The following RPP40 variants were observed in gnomAD, a reference collection of about 807,000 sequenced individuals.
The protein encoded by RPP40 is ribonuclease P protein subunit p40.
In RPP40, 30 loss-of-function variants were observed where a neutral mutation model predicts 42.5. The observed-to-expected ratio is 0.71, with a 90% CI of 0.53 to 0.96. The LOEUF is 0.96. Among genes scored for constraint, RPP40 ranks in the 40% least tolerant of loss-of-function variants. The pLI is 0.00. For missense variants in RPP40, 426 were observed against 433.5 expected (o/e 0.98, Z 0.15); for synonymous variants, 173 against 164.0 (o/e 1.05, Z -0.42).
rs961782375 is a variant in RPP40, at chr6:4,995,019, A to G, written c.*59T>C. 4.2e-6 allele frequency: 6 copies of G among 1,429,920 alleles called. No homozygotes were observed. The highest frequency in any genetic ancestry group is 1.4e-5 in the African/African-American group (1 of 70,516). The allele number at this position is 1,429,920 out of a possible 1,614,324, so 88.6% of individuals were successfully genotyped here. A position where few individuals can be genotyped will look rare whatever the true frequency, so the allele number is the denominator to read the frequency against. On this transcript the variant is annotated 3_prime_UTR_variant, in exon 8 of 8. Coordinates refer to ENST00000380051, the MANE Select transcript of RPP40 (RefSeq NM_006638.4). ...TGAGTGGACACACAGACCTTTTACCATTAAGAAATCTGAAAGCAAGCGTAA... is the reference window on the plus strand; with the variant it reads ...TGAGTGGACACACAGACCTTTTACCGTTAAGAAATCTGAAAGCAAGCGTAA...
chr6:5,001,025 C>T, intron 2 of RPP40: 1 of 462,542 alleles, frequency 2.2e-6, no homozygotes, highest in Admixed American at 2.3e-5. Context: ...AGTTCACTCC[C>T]TGACCAACAG....
Position 4,995,934 on chromosome 6 carries a change from AG to A in RPP40, c.893+16del. ...ATAGAGCACTGATGAGCGATATAAA[AG>A]GTAAAGAGTTCTCACCAGAGATGTT... On this transcript the variant is annotated intron_variant, in intron 7 of 7. Coordinates refer to ENST00000380051, the MANE Select transcript of RPP40 (RefSeq NM_006638.4). 2 of 1,611,816 alleles carry A rather than the reference AG, an allele frequency of 1.2e-6. No individual in the cohort carries two copies. The highest frequency in any genetic ancestry group is 1.7e-6 in the Non-Finnish European group (2 of 1,178,540).
downstream of RPP40, among the ~76,000 whole-genome samples, chr6:4,989,810 C>T (rs112720188): frequency 9.1e-3 from 1,384 of 152,308 alleles, 25 homozygotes; most frequent in African/African-American, 0.031. Flanking sequence ...TTGACAAACT[C>T]ACTTATTTGT....
At chr6:4,991,552 A>G (rs909665148), downstream of RPP40, among the ~76,000 whole-genome samples, 1 of 152,148 alleles carries the variant, frequency 6.6e-6, no homozygotes, top group Non-Finnish European at 1.5e-5. Flanking sequence ...AAATTGCTGA[A>G]GTCTACTTTA....
chr6:5,002,278 C>A (rs1363766599), intron 1 of RPP40, 33 bp from the exon 2 acceptor site: 1 of 1,537,020 alleles, frequency 6.5e-7, no homozygotes, highest in African/African-American at 1.4e-5. Context: ...CAAGGTCTTA[C>A]TTCCATGAAG....
downstream of RPP40, among the ~76,000 whole-genome samples, chr6:4,991,412 G>C (rs577273854): frequency 6.9e-4 from 105 of 152,206 alleles, no homozygotes; most frequent in African/African-American, 2.4e-3. Context: ...TGTTTGAACA[G>C]CTAAAAATTT....
chr6:5,003,688 G>C, intron 1 of RPP40, 192 bp downstream of exon 1: 1 of 622,588 alleles, frequency 1.6e-6, no homozygotes, highest in Non-Finnish European at 2.5e-6. Flanking sequence ...CCTGGGAGTT[G>C]TAGTCCTGTA....
chr6:4,995,330 G>T, intron 7 of RPP40, 54 bp from the exon 8 acceptor site: 1 of 1,279,812 alleles, frequency 7.8e-7, no homozygotes, highest in Non-Finnish European at 1.1e-6. Flanking sequence ...AGGAATGTCT[G>T]CATTTTAAAA....
intron 5 of RPP40, among the ~76,000 whole-genome samples, chr6:4,998,194 T>C (rs1759439613): frequency 6.6e-6 from 1 of 152,224 alleles, no homozygotes; most frequent in Non-Finnish European, 1.5e-5. Context: ...AAAGATACAC[T>C]TCTAAAAGGA....
intron 5 of RPP40, among the ~76,000 whole-genome samples, chr6:4,997,596 C>T (rs1194704044): frequency 1.3e-5 from 2 of 152,212 alleles, no homozygotes; most frequent in African/African-American, 4.8e-5. Flanking sequence ...TGTCGTGGGA[C>T]TCCTCAGCCT....
At position 4,996,319 on chromosome 6, in the gene RPP40, C is replaced by A; in HGVS notation, c.661G>T (p.Val221Leu). The A allele has an allele frequency of 1.9e-6, 3 of 1,614,194 alleles. No individual in the cohort carries two copies. Among genetic ancestry groups the A allele is most frequent in the Non-Finnish European group, 2.5e-6 (3 of 1,180,042 alleles). Residue 221 changes from valine (V) to leucine (L), a missense_variant, in exon 6 of 8, where the codon GTG becomes TTG. Physicochemically the swap from Val to Leu is conservative, Grantham distance 32. Transcript: ENST00000380051. Reference protein sequence around the residue: ...LSTLRDLQCPVLQSSELEGTP... With the variant: ...LSTLRDLQCPLLQSSELEGTP... ...CCCTCCAGCTCGCTGCTCTGCAGCA[C>A]TGGGCACTGGAGATCTCTCAACGTG...
At chr6:4,992,916 AACTTATC>A (rs1759280459), downstream of RPP40, among the ~76,000 whole-genome samples, 2 of 152,200 alleles carry the variant, frequency 1.3e-5, no homozygotes, top group Admixed American at 6.5e-5. Context: ...ACATATCTGT[AACTTATC>A]ACACTCTATC....
rs578259087 is a variant in RPP40 at position 4,998,833 on chromosome 6, T to C, written c.442A>G (p.Ile148Val). The C allele has an allele frequency of 7.1e-7, 1 of 1,416,202 alleles. No homozygotes were observed. The highest frequency in any genetic ancestry group is 9.6e-7 in the Non-Finnish European group (1 of 1,036,502). The allele number at this position is 1,416,202 out of a possible 1,614,324, so 87.7% of individuals were successfully genotyped here. The change falls in exon 5 of 8, where the codon ATT becomes GTT. Residue 148 changes from isoleucine to valine, a missense_variant. Coordinates refer to ENST00000380051, the MANE Select transcript of RPP40 (RefSeq NM_006638.4). Reference protein sequence around the residue: ...GRKIMKFIVSIDLMELSLNLD... With the variant: ...GRKIMKFIVSVDLMELSLNLD... ...TTTAAGGATAATTCCATCAAATCAA[T>C]GGAAACAACTTTAAAAATGAAAAAA...
rs1404256529 is a variant in RPP40, at chr6:4,996,018, C to T, written c.826G>A (p.Ala276Thr). ...AAGCCAGTGATTGTACACAAATAAG[C>T]TTTTGCCACCACTGTGCTTGGCTCA... ...CPEPSTVVAK[A>T]YLCTITGFIL... Residue 276 changes from alanine to threonine, a missense_variant, in exon 7 of 8, where the codon GCT becomes ACT. Transcript: ENST00000380051. 1 of 1,613,948 alleles carries T rather than the reference C, an allele frequency of 6.2e-7. No homozygotes were observed. The highest frequency in any genetic ancestry group is 8.5e-7 in the Non-Finnish European group (1 of 1,179,960).
intron 7 of RPP40, 77 bp from the exon 8 acceptor site, chr6:4,995,353 A>T: frequency 1.0e-6 from 1 of 994,420 alleles, no homozygotes; most frequent in South Asian, 1.5e-5. Flanking sequence ...TTTATTCAGG[A>T]TAAGTAGTAT....
Position 4,996,031 on chromosome 6 carries a change from T to C in RPP40, c.813A>G (p.Thr271=), listed in dbSNP as rs116319565. The change falls in exon 7 of 8, where the codon ACA becomes ACG. Residue 271 remains threonine (T), a synonymous_variant. Coordinates refer to ENST00000380051, the MANE Select transcript of RPP40 (RefSeq NM_006638.4). ...ISTYCCPEPS[T]VVAKAYLCTI... ...TACACAAATAAGCTTTTGCCACCACTGTGCTTGGCTCAGGACAGCAATAGG... is the reference window on the plus strand; with the variant it reads ...TACACAAATAAGCTTTTGCCACCACCGTGCTTGGCTCAGGACAGCAATAGG... 2.3e-3 allele frequency: 3,685 copies of C among 1,614,052 alleles called. 74 individuals carry two copies. In the African/African-American group the frequency reaches 0.042, roughly 19 times the overall value.
intron 3 of RPP40, 55 bp downstream of exon 3, chr6:5,000,508 T>TTTA (rs55786160): frequency 1.4e-5 from 14 of 1,033,588 alleles, no homozygotes; most frequent in South Asian, 4.2e-5. Context: ...TTTTTTTTTT[T>TTTA]ACAGTATGCA....
At chr6:5,003,070 C>G (rs1490540707) in intron 1 of RPP40, among the ~76,000 whole-genome samples, 1 of 152,134 alleles carries the variant, frequency 6.6e-6, no homozygotes, top group Non-Finnish European at 1.5e-5. Context: ...TCGCTTCGGC[C>G]GGGCGCGGTG....
In RPP40 at chr6:4,995,142, A is replaced by G; in HGVS notation, c.1028T>C (p.Ile343Thr). The change falls in exon 8 of 8, where the codon ATT becomes ACT. Residue 343 changes from isoleucine to threonine, a missense_variant. Transcript: ENST00000380051. ...AAGCCAATAGTCCTGATTATTAAAAATCACAAAGTTATATAAATGTTCTCC... is the reference window on the plus strand; with the variant it reads ...AAGCCAATAGTCCTGATTATTAAAAGTCACAAAGTTATATAAATGTTCTCC... ...KGGEHLYNFVIFNNQDYWLQM... is the reference protein window; with the variant it reads ...KGGEHLYNFVTFNNQDYWLQM... 3 of 1,614,184 alleles carry G rather than the reference A, an allele frequency of 1.9e-6. No homozygotes were observed. Among genetic ancestry groups the G allele is most frequent in the Non-Finnish European group, 2.5e-6 (3 of 1,179,976 alleles).
Sources: gnomAD v4.1 joint callset for allele counts (sites outside exome capture counted in the v4.1 genomes callset) on GRCh38, gnomAD v4.1.1 for gene constraint, MANE v1.5 for transcripts, NCBI Gene and HGNC (gene_info 2026-07-23, HGNC 2026-07-21) for gene names.